DNAH14: variants seen among roughly 807,000 people sequenced by gnomAD.
DNAH14 encodes the protein axonemal beta dynein heavy chain 14.
In DNAH14, 478 loss-of-function variants were observed where a neutral mutation model predicts 520.9. The observed-to-expected ratio is 0.92, with a 90% CI of 0.85 to 0.99. The LOEUF (loss-of-function observed/expected upper bound fraction) is 0.99. Ranked by LOEUF, DNAH14 falls within the 50% of genes least tolerant of loss-of-function variation. DNAH14 has a pLI of 0.00. For synonymous variants in DNAH14, 1,581 were observed against 1,757.2 expected (o/e 0.90, Z 2.51); for missense variants, 4,831 against 5,234.5 (o/e 0.92, Z 2.38).
chr1:225,388,057 A>G (rs2095862715), intron 81 of DNAH14, among the ~76,000 whole-genome samples: 1 of 152,106 alleles, frequency 6.6e-6, no homozygotes, highest in African/African-American at 2.4e-5. Context: ...AATTGCTCAC[A>G]CCTAATAGCA....
chr1:225,043,038 A>G lies in DNAH14; in HGVS notation c.1692A>G (p.Lys564=). 1 of 1,551,744 alleles carries G rather than the reference A, an allele frequency of 6.4e-7. No homozygotes were observed. Among genetic ancestry groups the G allele is most frequent in the Non-Finnish European group, 8.7e-7 (1 of 1,147,004 alleles). Residue 564 remains lysine, a synonymous_variant, in exon 13 of 86, where the codon AAA becomes AAG. Transcript: ENST00000682510. ...AAAATAAAGACAATTGTGTCAAAAA[A>G]CACTCAAGTGAAGAATTGCTCCCAA... ...MSENKDNCVK[K]HSSEELLPKA...
rs757617692 is a variant in DNAH14, at chr1:225,271,965, G to A, written c.7731G>A (p.Lys2577=). 1.3e-4 allele frequency: 194 copies of A among 1,550,262 alleles called. No individual in the cohort carries two copies. The highest frequency in any genetic ancestry group is 1.6e-4 in the Non-Finnish European group (179 of 1,146,520). ...NNFTPEVQKS[K]DQIISCSLAI... ...TCACACCTGAAGTTCAGAAAAGTAA[G>A]GATCAGATAATATCTTGTTCCCTAG... is the stretch of plus-strand genomic sequence containing the variant. The change falls in exon 51 of 86, where the codon AAG becomes AAA. Residue 2577 remains lysine, a synonymous_variant. Transcript: ENST00000682510.
intron 11 of DNAH14, among the ~76,000 whole-genome samples, chr1:225,025,920 A>G (rs1034646044): frequency 8.5e-5 from 13 of 152,062 alleles, no homozygotes; most frequent in Admixed American, 8.5e-4. Flanking sequence ...ACATCTTTGC[A>G]TGTGCTTTTT....
intron 41 of DNAH14, among the ~76,000 whole-genome samples, chr1:225,223,817 T>C (rs1040997704): frequency 6.6e-6 from 1 of 152,186 alleles, no homozygotes; most frequent in African/African-American, 2.4e-5. Flanking sequence ...AGTCCTACTA[T>C]GTGTCAGTAT....
chr1:224,960,939 C>T (rs1269498232), intron 4 of DNAH14, among the ~76,000 whole-genome samples: 1 of 152,080 alleles, frequency 6.6e-6, no homozygotes, highest in Non-Finnish European at 1.5e-5. Flanking sequence ...TAGCACAAAA[C>T]CTCCACGGAC....
At chr1:225,351,433 TA>T (rs1193144917) in intron 71 of DNAH14, among the ~76,000 whole-genome samples, 1 of 152,156 alleles carries the variant, frequency 6.6e-6, no homozygotes, top group African/African-American at 2.4e-5. Flanking sequence ...AATTTACTTA[TA>T]TTTTTACCAC....
At chr1:225,295,564 C>T (rs1047384192) in intron 55 of DNAH14, among the ~76,000 whole-genome samples, 7 of 152,074 alleles carry the variant, frequency 4.6e-5, no homozygotes, top group Admixed American at 4.6e-4. Flanking sequence ...TTGAATGTTG[C>T]TCTTGTTATT....
At chr1:224,941,519 T>A (rs1355182241) in intron 1 of DNAH14, among the ~76,000 whole-genome samples, 2 of 152,230 alleles carry the variant, frequency 1.3e-5, no homozygotes, top group African/African-American at 4.8e-5. Context: ...AGCTCTTTAG[T>A]TTAATTAGAT....
intron 55 of DNAH14, among the ~76,000 whole-genome samples, chr1:225,296,616 T>C (rs1341159458): frequency 6.6e-6 from 1 of 152,024 alleles, no homozygotes; most frequent in African/African-American, 2.4e-5. Flanking sequence ...TAATGGTGGT[T>C]ATCATCTTTT....
chr1:224,951,681 C>T (rs1468151031), intron 1 of DNAH14, among the ~76,000 whole-genome samples: 1 of 128,888 alleles, frequency 7.8e-6, no homozygotes, highest in Non-Finnish European at 1.5e-5. Context: ...GACGGAGTCT[C>T]GCTCTGTTAC....
At chr1:225,001,400 C>G (rs2063760926) in intron 8 of DNAH14, among the ~76,000 whole-genome samples, 1 of 152,094 alleles carries the variant, frequency 6.6e-6, no homozygotes, top group African/African-American at 2.4e-5. Flanking sequence ...CCCTAATACC[C>G]AGCAGTTCTA....
At chr1:225,055,301 A>T (rs192151964) in intron 17 of DNAH14, among the ~76,000 whole-genome samples, 1 of 151,986 alleles carries the variant, frequency 6.6e-6, no homozygotes, top group African/African-American at 2.4e-5. Context: ...ACTAACTCCC[A>T]CTCCCTTACC....
At chr1:225,052,282 G>T (rs2148322501) in intron 17 of DNAH14, among the ~76,000 whole-genome samples, 1 of 152,176 alleles carries the variant, frequency 6.6e-6, no homozygotes, top group East Asian at 1.9e-4. Flanking sequence ...ACAGTGGTTT[G>T]GAGACTCTAT....
At chr1:225,062,752 C>A (rs1287244393) in intron 17 of DNAH14, among the ~76,000 whole-genome samples, 1 of 152,142 alleles carries the variant, frequency 6.6e-6, no homozygotes, top group African/African-American at 2.4e-5. Context: ...ATGAGTAAAC[C>A]TTAGCAATAG....
chr1:225,043,869 A>G lies in DNAH14; in HGVS notation c.1815-17A>G. On this transcript the variant is annotated splice_polypyrimidine_tract_variant and intron_variant, in intron 14 of 85. Transcript: ENST00000682510. ...TTATATTCCTCTGAAATATGCTTTT[A>G]TTGTTTTCTCTGTTAGATTTCCAGA... 2 of 1,497,094 alleles carry G rather than the reference A, an allele frequency of 1.3e-6. No homozygotes were observed. Among genetic ancestry groups the G allele is most frequent in the Non-Finnish European group, 1.8e-6 (2 of 1,102,796 alleles). The allele number at this position is 1,497,094 out of a possible 1,614,324, so 92.7% of individuals were successfully genotyped here.
chr1:225,103,537 C>T (rs1256709855), intron 23 of DNAH14, among the ~76,000 whole-genome samples: 1 of 152,074 alleles, frequency 6.6e-6, no homozygotes, highest in Admixed American at 6.6e-5. Flanking sequence ...GAATGTTCTT[C>T]CATTTGTTTG....
chr1:225,200,391 G>A (rs1280355249), intron 38 of DNAH14, among the ~76,000 whole-genome samples: 1 of 151,794 alleles, frequency 6.6e-6, no homozygotes, highest in Non-Finnish European at 1.5e-5. Context: ...CTGTATACTT[G>A]GTTTTTCATT....
At chr1:225,058,933 G>A (rs1327574368) in intron 17 of DNAH14, among the ~76,000 whole-genome samples, 1 of 152,110 alleles carries the variant, frequency 6.6e-6, no homozygotes, top group Non-Finnish European at 1.5e-5. Context: ...CATTTGCTGA[G>A]GAGAGCTTTA....
chr1:225,271,375 CT>C (rs1440222365), intron 50 of DNAH14, among the ~76,000 whole-genome samples: 3 of 152,016 alleles, frequency 2.0e-5, no homozygotes, highest in Non-Finnish European at 1.5e-5. Context: ...AAAAATGAAT[CT>C]TTAAATTTTA....
Sources: gnomAD v4.1 joint callset for allele counts (sites outside exome capture counted in the v4.1 genomes callset) on GRCh38, gnomAD v4.1.1 for gene constraint, MANE v1.5 for transcripts, NCBI Gene and HGNC (gene_info 2026-07-23, HGNC 2026-07-21) for gene names.